ATP10D: variants seen among roughly 807,000 people sequenced by gnomAD.
ATP10D encodes ATPase phospholipid transporting 10D (putative), also known as phospholipid-transporting ATPase VD.
ATP10D carries 89 observed loss-of-function variants against 144.8 expected under a neutral mutation model. That is an observed-to-expected ratio of 0.61 (90% CI 0.52 to 0.73). ATP10D has a LOEUF of 0.73. ATP10D is among the 30% of genes least tolerant of loss of function. The pLI, the probability that ATP10D is intolerant of heterozygous loss-of-function variation, is 0.00. For synonymous variants in ATP10D, 571 were observed against 615.1 expected (o/e 0.93, Z 1.06); for missense variants, 1,603 against 1,714.8 (o/e 0.93, Z 1.15).
At chr4:47,590,362 T>G (rs1175341066) in intron 22 of ATP10D, among the ~76,000 whole-genome samples, 1 of 152,100 alleles carries the variant, frequency 6.6e-6, no homozygotes, top group Admixed American at 6.6e-5. Context: ...AATTAGGAGA[T>G]TGACTGTTAG....
chr4:47,499,065 C>A (rs184241482), intron 1 of ATP10D, among the ~76,000 whole-genome samples: 1 of 152,146 alleles, frequency 6.6e-6, no homozygotes, highest in East Asian at 1.9e-4. Context: ...GTTTATCTCT[C>A]GGTTAGTCTT....
intron 3 of ATP10D, among the ~76,000 whole-genome samples, chr4:47,517,642 G>A (rs552606983): frequency 6.6e-5 from 10 of 152,244 alleles, no homozygotes; most frequent in East Asian, 3.9e-4. Context: ...GGTAAAAGCC[G>A]TTATGATTAT....
At chr4:47,589,246 T>C (rs1029937996) in intron 22 of ATP10D, among the ~76,000 whole-genome samples, 1 of 152,300 alleles carries the variant, frequency 6.6e-6, no homozygotes, top group African/African-American at 2.4e-5. Context: ...GTGAAGCTAA[T>C]TTCATAATTT....
chr4:47,560,568 G>A (rs1321614108), intron 13 of ATP10D, among the ~76,000 whole-genome samples: 1 of 152,138 alleles, frequency 6.6e-6, no homozygotes, highest in African/African-American at 2.4e-5. Context: ...AGAATCCTTC[G>A]AACTAAACAG....
At chr4:47,519,067 G>T (rs1220013591) in intron 3 of ATP10D, among the ~76,000 whole-genome samples, 1 of 152,166 alleles carries the variant, frequency 6.6e-6, no homozygotes, top group Non-Finnish European at 1.5e-5. Context: ...TGTGCCCAAT[G>T]ATAATTCATT....
rs372690498 is a variant in ATP10D, at chr4:47,569,027, A to G, written c.3044A>G (p.Gln1015Arg). The change falls in exon 16 of 23, where the codon CAG (glutamine) becomes CGG (arginine). Residue 1015 changes from glutamine (Q) to arginine (R), a missense_variant. Gln to Arg is a conservative substitution (Grantham distance 43). Coordinates refer to ENST00000273859, the MANE Select transcript of ATP10D (RefSeq NM_020453.4). The part of the protein sequence containing the change: ...EFALQESLQK[Q>R]FLELTSWCQA... ...GCCCTGCAAGAAAGTCTGCAAAAGC[A>G]GTTCCTGGAACTGACATCTTGGTGT... The G allele has an allele frequency of 1.9e-6, 3 of 1,614,256 alleles. No individual in the cohort carries two copies. The highest frequency in any genetic ancestry group is 1.7e-6 in the Non-Finnish European group (2 of 1,180,046).
At chr4:47,550,118 A>G (rs1387001451) in intron 10 of ATP10D, among the ~76,000 whole-genome samples, 1 of 152,118 alleles carries the variant, frequency 6.6e-6, no homozygotes, top group African/African-American at 2.4e-5. Flanking sequence ...AACCTTGGGT[A>G]GAGGTGGAAC....
At chr4:47,524,305 C>T (rs1717123315) in intron 4 of ATP10D, among the ~76,000 whole-genome samples, 1 of 152,036 alleles carries the variant, frequency 6.6e-6, no homozygotes, top group African/African-American at 2.4e-5. Context: ...GTGGTTTAGC[C>T]TACTAATACC....
At chr4:47,587,802 T>C (rs1046605622) in intron 22 of ATP10D, among the ~76,000 whole-genome samples, 2 of 152,112 alleles carry the variant, frequency 1.3e-5, no homozygotes, top group Non-Finnish European at 2.9e-5. Context: ...CTTAATATTG[T>C]AAAAACAGCC....
intron 18 of ATP10D, among the ~76,000 whole-genome samples, chr4:47,575,306 C>T (rs1020409602): frequency 1.3e-5 from 2 of 152,132 alleles, no homozygotes; most frequent in Non-Finnish European, 2.9e-5. Flanking sequence ...TGTGGCCTGC[C>T]CTCCTTGGGA....
chr4:47,536,718 C>A lies in ATP10D; in HGVS notation c.1176C>A (p.Ile392=). 6.2e-7 allele frequency: 1 copy of A among 1,611,498 alleles called. No homozygotes were observed. The highest frequency in any genetic ancestry group is 8.5e-7 in the Non-Finnish European group (1 of 1,179,134). Reference sequence around the variant, plus strand: ...TTCCTATTTCTCTCTATGTTTCCATCGAAATTGTGAAGCTTGGACAAATAT... The same window carrying A: ...TTCCTATTTCTCTCTATGTTTCCATAGAAATTGTGAAGCTTGGACAAATAT... The part of the protein sequence containing the change: ...VLIPISLYVS[I]EIVKLGQIYF... Residue 392 remains isoleucine, a synonymous_variant, in exon 9 of 23, where the codon ATC becomes ATA. Coordinates refer to ENST00000273859, the MANE Select transcript of ATP10D (RefSeq NM_020453.4).
Position 47,511,600 on chromosome 4 carries a change from G to A in ATP10D, c.-37-904G>A, listed in dbSNP as rs118128427. Among the ~76,000 whole-genome samples the A allele has an allele frequency of 4.7e-3, 717 of 152,298 alleles. 11 individuals carry two copies. The highest frequency in any genetic ancestry group is 0.047 in the East Asian group (244 of 5,188). On this transcript the variant is annotated intron_variant, in intron 1 of 22. Coordinates refer to ENST00000273859, the MANE Select transcript of ATP10D (RefSeq NM_020453.4). Reference sequence around the variant, plus strand: ...GAAAATAAGGAAACCTTAGAAATAAGGAAAATAAGGGAATATGTTATCAGT... The same window carrying A: ...GAAAATAAGGAAACCTTAGAAATAAAGAAAATAAGGGAATATGTTATCAGT...
At chr4:47,565,640 C>G (rs949848437) in intron 15 of ATP10D, among the ~76,000 whole-genome samples, 24 of 151,870 alleles carry the variant, frequency 1.6e-4, no homozygotes, top group Non-Finnish European at 1.5e-4. Flanking sequence ...AATGCGGTGC[C>G]TATCAGATGA....
At position 47,560,980 on chromosome 4, in the gene ATP10D, T is replaced by A; in HGVS notation, c.2573T>A (p.Leu858Gln). ...AGTGACACTGAATATGCAGAGTGGC[T>A]GAGGAATCATTTTTTAGCTGAAACC... ...VMSDTEYAEW[L>Q]RNHFLAETSI... Residue 858 changes from leucine (L) to glutamine (Q), a missense_variant, in exon 14 of 23, where the codon CTG becomes CAG. Physicochemically the swap from Leu to Gln is moderately radical, Grantham distance 113 (BLOSUM62 -2). Transcript: ENST00000273859. 6.2e-7 allele frequency: 1 copy of A among 1,614,160 alleles called. No individual in the cohort carries two copies. Among genetic ancestry groups the A allele is most frequent in the Non-Finnish European group, 8.5e-7 (1 of 1,179,972 alleles).
At chr4:47,585,439 C>T (rs923702469) in intron 21 of ATP10D, among the ~76,000 whole-genome samples, 2 of 152,024 alleles carry the variant, frequency 1.3e-5, no homozygotes, top group Non-Finnish European at 2.9e-5. Context: ...GTGAAATAAG[C>T]ACATCATGGA....
chr4:47,535,520 A>T lies in ATP10D; in HGVS notation c.788A>T (p.Asn263Ile), dbSNP rs773456330. 1.2e-6 allele frequency: 2 copies of T among 1,609,952 alleles called. No homozygotes were observed. The highest frequency in any genetic ancestry group is 2.7e-5 in the African/African-American group (2 of 74,648). Residue 263 changes from asparagine (N) to isoleucine (I), a missense_variant, in exon 6 of 23, where the codon AAC becomes ATC. Asn to Ile is a moderately radical substitution (Grantham distance 149). Transcript: ENST00000273859. The part of the protein sequence containing the change: ...SRFRGFLEHS[N>I]KERVGLSKEN... Reference sequence around the variant, plus strand: ...TGTCTTTCTTATAGAGAACATTCCAACAAAGAACGCGTGGGTCTCAGTAAA... The same window carrying T: ...TGTCTTTCTTATAGAGAACATTCCATCAAAGAACGCGTGGGTCTCAGTAAA...
chr4:47,589,361 C>G (rs1720928100), intron 22 of ATP10D, among the ~76,000 whole-genome samples: 1 of 152,124 alleles, frequency 6.6e-6, no homozygotes, highest in South Asian at 2.1e-4. Context: ...TTTGGGTACT[C>G]AGAATAGGTT....
chr4:47,556,927 T>C (rs2109446602), intron 11 of ATP10D: 1 of 152,296 alleles, frequency 6.6e-6, no homozygotes, highest in East Asian at 1.9e-4. Context: ...ATTATGATAT[T>C]GATAACTCTT....
chr4:47,555,717 G>A (rs117431992), intron 11 of ATP10D, among the ~76,000 whole-genome samples: 219 of 151,858 alleles, frequency 1.4e-3, no homozygotes, highest in African/African-American at 4.5e-3. Flanking sequence ...AAAATATACC[G>A]TATTGGATTC....
Sources: gnomAD v4.1 joint callset for allele counts (sites outside exome capture counted in the v4.1 genomes callset) on GRCh38, gnomAD v4.1.1 for gene constraint, MANE v1.5 for transcripts, NCBI Gene and HGNC (gene_info 2026-07-23, HGNC 2026-07-21) for gene names.